The following ARPP19 variants were observed in gnomAD, a reference collection of about 807,000 sequenced individuals.
The protein encoded by ARPP19 is cAMP regulated phosphoprotein 19.
A neutral mutation model predicts 12.0 loss-of-function variants in ARPP19; 8 were observed. That is an observed-to-expected ratio of 0.67 (90% CI 0.39 to 1.21). The LOEUF is 1.21. Ranked by LOEUF, ARPP19 falls within the 50% of genes most tolerant of loss-of-function variation. The pLI is 0.01. For missense variants in ARPP19, 102 were observed against 136.3 expected (o/e 0.75, Z 1.25); for synonymous variants, 47 against 50.4 (o/e 0.93, Z 0.29).
rs2077973960 is a variant in ARPP19 at position 52,555,542 on chromosome 15, G to C, written c.168+1558C>G. 2.0e-5 allele frequency among the ~76,000 whole-genome samples: 3 copies of C among 151,958 alleles called. No homozygotes were observed. The South Asian group carries it at 6.2e-4, about 31-fold the overall frequency. On this transcript the variant is annotated intron_variant, in intron 2 of 2. Transcript: ENST00000249822. ...CAATTTATTTAATCATTTCTCTGCT[G>C]TTGAATAGTGGTGCTGCTACTAATT... is the stretch of plus-strand genomic sequence containing the variant.
At chr15:52,552,794 G>T (rs539793760) in intron 2 of ARPP19, among the ~76,000 whole-genome samples, 32 of 152,254 alleles carry the variant, frequency 2.1e-4, no homozygotes, top group Admixed American at 1.8e-3. Flanking sequence ...ATTTGGCTGG[G>T]CATGGTGGCT....
In ARPP19 at chr15:52,547,608, G is replaced by A. The variant is rs771607097; in HGVS notation, c.*4326C>T. On this transcript the variant is annotated 3_prime_UTR_variant, in exon 3 of 3. Coordinates refer to ENST00000249822, the MANE Select transcript of ARPP19 (RefSeq NM_006628.6). ...TAGAAGGTTGAAACTTAGTAAAACC[G>A]TATTAAAGTCAGTGTTTTTATTCTT... 3.3e-5 allele frequency: 5 copies of A among 152,184 alleles called. No individual in the cohort carries two copies. Among genetic ancestry groups the A allele is most frequent in the African/African-American group, 9.7e-5 (4 of 41,430 alleles). The allele number at this position is 152,184 out of a possible 1,614,324, so 9.4% of individuals were successfully genotyped here. A position where few individuals can be genotyped will look rare whatever the true frequency, so the allele number is the denominator to read the frequency against.
At chr15:52,556,335 A>C (rs2077981285) in intron 2 of ARPP19, among the ~76,000 whole-genome samples, 1 of 152,134 alleles carries the variant, frequency 6.6e-6, no homozygotes, top group Admixed American at 6.5e-5. Flanking sequence ...GCTTAAGCTG[A>C]AGATGGAACT....
chr15:52,557,946 A>AACT (rs1304100126), intron 1 of ARPP19, among the ~76,000 whole-genome samples: 1 of 152,100 alleles, frequency 6.6e-6, no homozygotes, highest in African/African-American at 2.4e-5. Flanking sequence ...ATCATTGCCT[A>AACT]ACTCTCCCCC....
At chr15:52,561,310 A>G (rs1037562938) in intron 1 of ARPP19, among the ~76,000 whole-genome samples, 4 of 152,230 alleles carry the variant, frequency 2.6e-5, no homozygotes, top group Admixed American at 6.5e-5. Flanking sequence ...ATTAAATCAT[A>G]AACTAATCAA....
chr15:52,557,168 C>A lies in ARPP19; in HGVS notation c.100G>T (p.Ala34Ser), dbSNP rs377680867. 11 of 1,612,744 alleles carry A rather than the reference C, an allele frequency of 6.8e-6. No homozygotes were observed. The African/African-American group carries it at 1.5e-4, about 22-fold the overall frequency. ...TTTTGTCCCAGATGAGGATATCTTG[C>A]TTTTAATTTTGCTTCTTCTGCTTTC... ...PEKAEEAKLK[A>S]RYPHLGQKPG... Residue 34 changes from alanine to serine, a missense_variant, in exon 2 of 3, where the codon GCA becomes TCA. By Grantham distance (99) the Ala-to-Ser change is moderately conservative (BLOSUM62 1). Coordinates refer to ENST00000249822, the MANE Select transcript of ARPP19 (RefSeq NM_006628.6).
intron 1 of ARPP19, chr15:52,557,772 GTC>G (rs1441680934): frequency 6.6e-6 from 1 of 151,766 alleles, no homozygotes; most frequent in Non-Finnish European, 1.5e-5. Context: ...TAGAGATGGG[GTC>G]TTGCTATATT....
In ARPP19 at chr15:52,547,628, A is replaced by C. The variant is rs980671031; in HGVS notation, c.*4306T>G. On this transcript the variant is annotated 3_prime_UTR_variant, in exon 3 of 3. Transcript: ENST00000249822. ...AAACCGTATTAAAGTCAGTGTTTTT[A>C]TTCTTAGATTAACAATGACAGAGTG... 2.0e-5 allele frequency: 3 copies of C among 152,246 alleles called. No homozygotes were observed. Among genetic ancestry groups the C allele is most frequent in the Non-Finnish European group, 2.9e-5 (2 of 68,036 alleles). 9.4% of individuals were successfully genotyped at this position (152,246 alleles called of 1,614,324 possible).
At chr15:52,566,507 C>T (rs1475070573) in intron 1 of ARPP19, among the ~76,000 whole-genome samples, 1 of 152,154 alleles carries the variant, frequency 6.6e-6, no homozygotes, top group Non-Finnish European at 1.5e-5. Flanking sequence ...TAGCCTCGAA[C>T]TCCTGGTCTC....
intron 1 of ARPP19, 66 bp downstream of exon 1, chr15:52,568,782 C>G: frequency 8.1e-7 from 1 of 1,241,468 alleles, no homozygotes; most frequent in African/African-American, 1.6e-5. Context: ...CTCCGCCTGG[C>G]GGGAGCAGGC....
chr15:52,565,161 C>T (rs1347722657), intron 1 of ARPP19, among the ~76,000 whole-genome samples: 1 of 151,940 alleles, frequency 6.6e-6, no homozygotes, highest in East Asian at 1.9e-4. Flanking sequence ...TGATCCTCCC[C>T]TCAGCCTCTG....
chr15:52,552,118 C>CA lies in ARPP19; in HGVS notation c.169-15dup, dbSNP rs750179875. ...AAAATATTTTTGCTATAAGTAAAAA[C>CA]AAAAAAAATTCAGATTAGAGCTTAG... On this transcript the variant is annotated splice_polypyrimidine_tract_variant and intron_variant, in intron 2 of 2. Transcript: ENST00000249822. 3.9e-5 allele frequency: 60 copies of CA among 1,555,474 alleles called. No individual in the cohort carries two copies. Among genetic ancestry groups the CA allele is most frequent in the Non-Finnish European group, 5.0e-5 (57 of 1,129,078 alleles).
At chr15:52,567,000 T>C (rs947030450) in intron 1 of ARPP19, among the ~76,000 whole-genome samples, 2 of 152,308 alleles carry the variant, frequency 1.3e-5, no homozygotes, top group South Asian at 4.2e-4. Flanking sequence ...TGGCTTTAAG[T>C]GGAAGGTCAA....
rs1161860270 is a variant in ARPP19, at chr15:52,551,051, T to C, written c.*883A>G. The C allele has an allele frequency of 6.5e-6, 1 of 152,700 alleles. No homozygotes were observed. The highest frequency in any genetic ancestry group is 1.5e-5 in the Non-Finnish European group (1 of 68,050). The allele number at this position is 152,700 out of a possible 1,614,324, so 9.5% of individuals were successfully genotyped here. On this transcript the variant is annotated 3_prime_UTR_variant, in exon 3 of 3. Coordinates refer to ENST00000249822, the MANE Select transcript of ARPP19 (RefSeq NM_006628.6). The stretch of plus-strand genomic sequence containing the variant: ...GAACTAAGATTTCAGTTTGGTATTC[T>C]ATAAGCCCGAGATTGTAAACTACTC...
intron 1 of ARPP19, among the ~76,000 whole-genome samples, chr15:52,562,734 C>T (rs1057489672): frequency 5.3e-5 from 8 of 151,550 alleles, no homozygotes; most frequent in Non-Finnish European, 8.8e-5. Flanking sequence ...TCTCAATGAG[C>T]GATGCATCCA....
chr15:52,569,232 T>C (rs950317264), upstream of ARPP19: 8 of 344,144 alleles, frequency 2.3e-5, no homozygotes, highest in Non-Finnish European at 4.2e-5. Context: ...CTGGGAATTG[T>C]AGTTTCTAAG....
chr15:52,562,970 G>C (rs1805534602), intron 1 of ARPP19, among the ~76,000 whole-genome samples: 1 of 151,202 alleles, frequency 6.6e-6, no homozygotes, highest in African/African-American at 2.4e-5. Context: ...CCCCACGCTG[G>C]GTTCAAGTGA....
chr15:52,562,727 C>T (rs938923171), intron 1 of ARPP19, among the ~76,000 whole-genome samples: 2 of 151,758 alleles, frequency 1.3e-5, no homozygotes, highest in East Asian at 3.9e-4. Context: ...AGCTAAATCT[C>T]AATGAGCGAT....
intron 1 of ARPP19, among the ~76,000 whole-genome samples, chr15:52,567,585 A>C (rs1051044389): frequency 6.6e-6 from 1 of 152,228 alleles, no homozygotes; most frequent in Non-Finnish European, 1.5e-5. Context: ...TTAAGATTGC[A>C]AACTTTAATA....
Sources: allele counts gnomAD v4.1 joint callset (sites outside exome capture counted in the v4.1 genomes callset), GRCh38; gene constraint gnomAD v4.1.1; transcripts MANE v1.5; gene names NCBI Gene and HGNC (gene_info 2026-07-23, HGNC 2026-07-21).